NUDCD1: variants seen among roughly 807,000 people sequenced by gnomAD.
NUDCD1 encodes the protein NudC domain containing 1.
Under a neutral mutation model 67.8 loss-of-function variants are expected in NUDCD1, and 60 were observed. The observed-to-expected ratio is 0.88, with a 90% confidence interval of 0.72 to 1.10. The LOEUF (loss-of-function observed/expected upper bound fraction) is 1.10, where lower values mean the gene tolerates loss of function less well. NUDCD1 is among the 50% of genes least tolerant of loss of function. The pLI, the probability that NUDCD1 is intolerant of heterozygous loss-of-function variation, is 0.00. For missense variants in NUDCD1, 643 were observed against 695.0 expected, an observed-to-expected ratio of 0.93 and a Z score of 0.84; for synonymous variants, 244 against 230.8, an observed-to-expected ratio of 1.06 and a Z score of -0.52.
At chr8:109,278,476 G>C (rs1814349833) in intron 6 of NUDCD1, among the ~76,000 whole-genome samples, 1 of 152,072 alleles carries the variant, frequency 6.6e-6, no homozygotes, top group Non-Finnish European at 1.5e-5. Flanking sequence ...TACTGATTTT[G>C]ACAAATGCAT....
chr8:109,292,111 CA>C (rs1814724630), intron 4 of NUDCD1, among the ~76,000 whole-genome samples: 3 of 151,528 alleles, frequency 2.0e-5, no homozygotes, highest in East Asian at 1.9e-4. Context: ...AAATATATGT[CA>C]AAAAAACATA....
At chr8:109,246,049 C>T (rs978317324) in intron 8 of NUDCD1, among the ~76,000 whole-genome samples, 1 of 152,146 alleles carries the variant, frequency 6.6e-6, no homozygotes, top group Non-Finnish European at 1.5e-5. Flanking sequence ...CTAACTAATA[C>T]CTGATGATCT....
In NUDCD1 at chr8:109,271,093, G is replaced by T; in HGVS notation, c.1211C>A (p.Ala404Asp). The part of the protein sequence containing the change: ...NPDKEKPPCN[A>D]QELEECDIFF... ...AATATCACATTCTTCTAACTCTTGA[G>T]CATTGCAAGGTGGTTTTTCTTTATC... Residue 404 changes from alanine (A) to aspartate (D), a missense_variant, in exon 8 of 10, where the codon GCT (alanine) becomes GAT (aspartate). Physicochemically the swap from Ala to Asp is moderately radical, Grantham distance 126 (BLOSUM62 -2). Coordinates refer to ENST00000239690, the MANE Select transcript of NUDCD1 (RefSeq NM_032869.4). The T allele has an allele frequency of 6.3e-7, 1 of 1,588,814 alleles. No individual in the cohort carries two copies.
chr8:109,319,117 G>A (rs1586308041), intron 2 of NUDCD1, among the ~76,000 whole-genome samples: 1 of 151,856 alleles, frequency 6.6e-6, no homozygotes, highest in African/African-American at 2.4e-5. Context: ...GGGACTACAG[G>A]GACCTGCCAC....
chr8:109,243,267 A>G lies in NUDCD1; in HGVS notation c.1494T>C (p.Phe498=), dbSNP rs1457338276. ...ACGAGTAATTTGGAGCACAGGCAAAAAATTTTTTGTCTCTCTTTGATGCTT... is the reference window on the plus strand; with the variant it reads ...ACGAGTAATTTGGAGCACAGGCAAAGAATTTTTTGTCTCTCTTTGATGCTT... ...YVQASKRDKK[F]FACAPNYSYA... is the part of the protein sequence containing the mutation. Residue 498 remains phenylalanine (F), a synonymous_variant, in exon 10 of 10, where the codon TTT becomes TTC. Transcript: ENST00000239690. 6.2e-7 allele frequency: 1 copy of G among 1,601,782 alleles called. No individual in the cohort carries two copies. Among genetic ancestry groups the G allele is most frequent in the Admixed American group, 1.7e-5 (1 of 59,578 alleles).
chr8:109,277,732 G>T (rs1814329725), intron 6 of NUDCD1, among the ~76,000 whole-genome samples: 1 of 152,154 alleles, frequency 6.6e-6, no homozygotes, highest in South Asian at 2.1e-4. Context: ...CTACTTACAT[G>T]AAGTCAAGCT....
At chr8:109,331,365 A>C (rs1563688639) in intron 1 of NUDCD1, among the ~76,000 whole-genome samples, 1 of 152,024 alleles carries the variant, frequency 6.6e-6, no homozygotes, top group East Asian at 1.9e-4. Flanking sequence ...AACAAACAAA[A>C]ATTAGCTGGG....
chr8:109,319,237 T>C (rs556833880), intron 2 of NUDCD1, among the ~76,000 whole-genome samples: 1 of 152,250 alleles, frequency 6.6e-6, no homozygotes, highest in African/African-American at 2.4e-5. Flanking sequence ...CCTCCCAAAG[T>C]GCTGGGATTA....
chr8:109,310,235 T>A (rs987158712), intron 2 of NUDCD1, among the ~76,000 whole-genome samples: 5 of 152,102 alleles, frequency 3.3e-5, no homozygotes, highest in African/African-American at 1.2e-4. Flanking sequence ...AAGACCATAG[T>A]CACCAAAACA....
intron 5 of NUDCD1, among the ~76,000 whole-genome samples, chr8:109,281,972 A>G (rs759894239): frequency 5.3e-5 from 8 of 152,086 alleles, no homozygotes; most frequent in Non-Finnish European, 1.0e-4. Context: ...AGGCACCTGG[A>G]GCTCTCCTAG....
intron 6 of NUDCD1, 66 bp downstream of exon 6, chr8:109,280,902 G>T: frequency 2.7e-6 from 2 of 743,854 alleles, no homozygotes; most frequent in Non-Finnish European, 4.2e-6. Flanking sequence ...TGTAACCACT[G>T]TGGAAAGAGT....
At chr8:109,313,837 A>C in intron 2 of NUDCD1, 1 of 1,115,104 alleles carries the variant, frequency 9.0e-7, no homozygotes, top group South Asian at 1.3e-5. Flanking sequence ...TCTAATTATC[A>C]ATCAGATAAA....
intron 6 of NUDCD1, among the ~76,000 whole-genome samples, chr8:109,276,414 C>G (rs1814289832): frequency 6.6e-6 from 1 of 152,160 alleles, no homozygotes. Context: ...TACACATGTA[C>G]CATATTAGCT....
chr8:109,284,624 T>G (rs1814532425), intron 5 of NUDCD1, among the ~76,000 whole-genome samples: 1 of 151,422 alleles, frequency 6.6e-6, no homozygotes, highest in African/African-American at 2.4e-5. Flanking sequence ...ACCAAGAAGA[T>G]CTCTCAAAAA....
chr8:109,248,292 G>C (rs1813545332), intron 8 of NUDCD1, among the ~76,000 whole-genome samples: 1 of 152,172 alleles, frequency 6.6e-6, no homozygotes, highest in Admixed American at 6.5e-5. Context: ...AATTGTAAGA[G>C]AATAAGTCTG....
intron 5 of NUDCD1, among the ~76,000 whole-genome samples, chr8:109,285,169 A>G (rs1436549702): frequency 1.3e-5 from 2 of 152,058 alleles, no homozygotes; most frequent in African/African-American, 2.4e-5. Context: ...AATCAGTAAT[A>G]AAAAAATCTA....
In NUDCD1 at chr8:109,242,911, T is replaced by C. The variant is rs1813399166; in HGVS notation, c.*98A>G. On this transcript the variant is annotated 3_prime_UTR_variant, in exon 10 of 10. Transcript: ENST00000239690. ...AATAAAAAATCATACAAGATATATT[T>C]AGCACATTAAAACTTAAGAGGTTAC... The C allele has an allele frequency of 1.5e-6, 1 of 649,452 alleles. No individual in the cohort carries two copies. The highest frequency in any genetic ancestry group is 2.6e-6 in the Non-Finnish European group (1 of 381,792). 40.2% of individuals were successfully genotyped at this position (649,452 alleles called of 1,614,324 possible).
chr8:109,278,244 TAA>T (rs1181690830), intron 6 of NUDCD1, among the ~76,000 whole-genome samples: 3 of 152,232 alleles, frequency 2.0e-5, no homozygotes, highest in Non-Finnish European at 4.4e-5. Context: ...TAATAATTAC[TAA>T]GACTTGATTT....
chr8:109,333,340 G>C (rs1431222429), intron 1 of NUDCD1, among the ~76,000 whole-genome samples: 1 of 152,176 alleles, frequency 6.6e-6, no homozygotes, highest in East Asian at 1.9e-4. Context: ...AGCAGTGTGG[G>C]AGTAAATCCA....
Sources: gnomAD v4.1 joint callset for allele counts (sites outside exome capture counted in the v4.1 genomes callset) on GRCh38, gnomAD v4.1.1 for gene constraint, MANE v1.5 for transcripts, NCBI Gene and HGNC (gene_info 2026-07-23, HGNC 2026-07-21) for gene names.